Variants in UMAD1 observed in about 807,000 individuals in gnomAD.
UMAD1 encodes UBAP1-MVB12-associated (UMA) domain containing 1.
UMAD1 carries 8 observed loss-of-function variants against 6.1 expected under a neutral mutation model. The observed-to-expected ratio is 1.30, with a 90% confidence interval of 0.76 to 2.35. The LOEUF (loss-of-function observed/expected upper bound fraction) is 2.35, where lower values mean the gene tolerates loss of function less well. Among genes scored for constraint, UMAD1 ranks in the 30% most tolerant of loss-of-function variants. UMAD1 has a pLI of 0.00. For synonymous variants in UMAD1, 56 were observed against 31.4 expected (o/e 1.78, Z -2.61); for missense variants, 130 against 78.4 (o/e 1.66, Z -2.49).
At chr7:7,790,584 A>G (rs1372844414) in intron 2 of UMAD1, among the ~76,000 whole-genome samples, 3 of 152,214 alleles carry the variant, frequency 2.0e-5, no homozygotes, top group African/African-American at 2.4e-5. Context: ...TGAACAGGTT[A>G]GAACTTCCTC....
At chr7:7,742,288 C>G (rs1583790534) in intron 2 of UMAD1, 1 of 650,610 alleles carries the variant, frequency 1.5e-6, no homozygotes, top group African/African-American at 1.8e-5. Flanking sequence ...CTTCTGTCTT[C>G]TTCATGGCCG....
intron 1 of UMAD1, among the ~76,000 whole-genome samples, chr7:7,656,274 T>C (rs1785339829): frequency 6.6e-6 from 1 of 152,196 alleles, no homozygotes; most frequent in Admixed American, 6.5e-5. Context: ...ATGTAAAGTC[T>C]CTTGCTGTTA....
At chr7:7,675,812 G>A (rs1486474454) in intron 2 of UMAD1, among the ~76,000 whole-genome samples, 1 of 152,170 alleles carries the variant, frequency 6.6e-6, no homozygotes, top group Non-Finnish European at 1.5e-5. Context: ...AGCTGGTGCT[G>A]TACCTGGTTC....
intron 3 of UMAD1, among the ~76,000 whole-genome samples, chr7:7,859,642 C>T (rs1432180404): frequency 6.6e-6 from 1 of 152,140 alleles, no homozygotes; most frequent in Non-Finnish European, 1.5e-5. Context: ...CGCTTAAGGT[C>T]ACACGGTTTA....
At chr7:7,645,608 G>A (rs1051265537) in intron 1 of UMAD1, among the ~76,000 whole-genome samples, 2 of 152,066 alleles carry the variant, frequency 1.3e-5, no homozygotes, top group Non-Finnish European at 2.9e-5. Flanking sequence ...TTAGATTAAG[G>A]AATTTTCCTT....
intron 3 of UMAD1, among the ~76,000 whole-genome samples, chr7:7,843,633 C>T (rs1011004065): frequency 2.6e-5 from 4 of 152,042 alleles, no homozygotes; most frequent in Non-Finnish European, 4.4e-5. Context: ...CAAACTTGTT[C>T]GTGAATATGG....
chr7:7,683,209 G>A (rs918445021), intron 2 of UMAD1, among the ~76,000 whole-genome samples: 9 of 152,256 alleles, frequency 5.9e-5, no homozygotes, highest in Non-Finnish European at 1.2e-4. Context: ...ACGTAAATTA[G>A]GGATCTATCT....
chr7:7,855,502 A>T (rs939798773), intron 3 of UMAD1, among the ~76,000 whole-genome samples: 1 of 152,216 alleles, frequency 6.6e-6, no homozygotes, highest in Non-Finnish European at 1.5e-5. Flanking sequence ...GAACGGCCTG[A>T]GTTGTACCTT....
In UMAD1 at chr7:7,646,237, A is replaced by G. The variant is rs541145216; in HGVS notation, c.-64+5416A>G. The stretch of plus-strand genomic sequence containing the variant: ...GAATCAGGTTACATGGGCTTGAAAG[A>G]TGGTGAATGTGGGCATTTTATTGAG... On this transcript the variant is annotated intron_variant, in intron 1 of 3. Coordinates refer to ENST00000682710, the MANE Select transcript of UMAD1 (RefSeq NM_001302348.2). Among the ~76,000 whole-genome samples the G allele has an allele frequency of 1.4e-4, 22 of 152,218 alleles. No individual in the cohort carries two copies. In the South Asian group the frequency reaches 4.6e-3, roughly 32 times the overall value.
Position 7,778,265 on chromosome 7 carries a change from T to TGAGA in UMAD1, c.83-23404_83-23403insAGAG, listed in dbSNP as rs1312767168. 7.9e-3 allele frequency among the ~76,000 whole-genome samples: 862 copies of TGAGA among 109,246 alleles called. 5 individuals are homozygous for TGAGA. The highest frequency in any genetic ancestry group is 0.024 in the Middle Eastern group (5 of 206). 71.7% of individuals were successfully genotyped at this position (109,246 alleles called of 152,430 possible). On this transcript the variant is annotated intron_variant, in intron 2 of 3. Coordinates refer to ENST00000682710, the MANE Select transcript of UMAD1 (RefSeq NM_001302348.2). ...GTGTGTGTGTGTGTGTGTGTGTGTG[T>TGAGA]GTGTGTGTGTGAGAGAGAGAGAGAG...
At chr7:7,795,004 A>C (rs1782645422) in intron 2 of UMAD1, among the ~76,000 whole-genome samples, 1 of 152,226 alleles carries the variant, frequency 6.6e-6, no homozygotes, top group Non-Finnish European at 1.5e-5. Flanking sequence ...GAACTCCTTC[A>C]ACCAACTGCC....
intron 3 of UMAD1, among the ~76,000 whole-genome samples, chr7:7,829,320 A>C (rs999183335): frequency 6.6e-6 from 1 of 152,216 alleles, no homozygotes; most frequent in African/African-American, 2.4e-5. Context: ...ATAACTCTCT[A>C]CAAGTTTGGG....
chr7:7,681,055 T>C (rs1779899589), intron 2 of UMAD1, among the ~76,000 whole-genome samples: 1 of 152,160 alleles, frequency 6.6e-6, no homozygotes, highest in Non-Finnish European at 1.5e-5. Flanking sequence ...TGTGTGTTTG[T>C]TGATGTCTAA....
intron 1 of UMAD1, among the ~76,000 whole-genome samples, chr7:7,647,386 G>C (rs7794467): frequency 0.69 from 104,218 of 152,138 alleles, 36,092 homozygotes; most frequent in East Asian, 0.88. Flanking sequence ...AATTATGTGA[G>C]GCTTGCTTTA....
chr7:7,723,563 G>A (rs568352559), intron 2 of UMAD1, among the ~76,000 whole-genome samples: 5 of 152,278 alleles, frequency 3.3e-5, no homozygotes, highest in African/African-American at 1.2e-4. Context: ...AGCTGGGAGG[G>A]TCCAGAAGAT....
chr7:7,743,742 A>G (rs1388925016), intron 2 of UMAD1, among the ~76,000 whole-genome samples: 2 of 151,446 alleles, frequency 1.3e-5, no homozygotes, highest in Non-Finnish European at 1.5e-5. Flanking sequence ...TCCATTCTGC[A>G]CTTTTAAAAA....
intron 2 of UMAD1, among the ~76,000 whole-genome samples, chr7:7,716,238 T>C (rs17482123): frequency 0.083 from 12,592 of 152,224 alleles, 613 homozygotes; most frequent in Non-Finnish European, 0.098. Flanking sequence ...GAATAACAGC[T>C]TGAATCAGGA....
chr7:7,771,279 A>G (rs544875489), intron 2 of UMAD1, among the ~76,000 whole-genome samples: 1 of 152,346 alleles, frequency 6.6e-6, no homozygotes, highest in Non-Finnish European at 1.5e-5. Flanking sequence ...CTTGTTGAGA[A>G]CTTCCTTTGC....
chr7:7,839,077 G>A (rs1286513946), intron 3 of UMAD1, among the ~76,000 whole-genome samples: 2 of 152,166 alleles, frequency 1.3e-5, no homozygotes, highest in East Asian at 1.9e-4. Flanking sequence ...AAATTGGGTG[G>A]TGAAACACAG....
Sources: gnomAD v4.1 joint callset for allele counts (sites outside exome capture counted in the v4.1 genomes callset) on GRCh38, gnomAD v4.1.1 for gene constraint, MANE v1.5 for transcripts, NCBI Gene and HGNC (gene_info 2026-07-23, HGNC 2026-07-21) for gene names.